The following NAALADL2 variants were observed in gnomAD, a reference collection of about 807,000 sequenced individuals.
The protein encoded by NAALADL2 is N-acetylated alpha-linked acidic dipeptidase like 2.
In NAALADL2, 76 loss-of-function variants were observed where a neutral mutation model predicts 87.2. The observed-to-expected ratio is 0.87, with a 90% CI of 0.72 to 1.05. NAALADL2 has a LOEUF of 1.05. Ranked by LOEUF, NAALADL2 falls within the 50% of genes least tolerant of loss-of-function variation. NAALADL2 has a pLI of 0.00. For synonymous variants in NAALADL2, 354 were observed against 331.0 expected, an observed-to-expected ratio of 1.07 and a Z score of -0.75; for missense variants, 1,089 against 945.8, an observed-to-expected ratio of 1.15 and a Z score of -1.99.
At chr3:175,257,970 C>T (rs562647795) in intron 4 of NAALADL2, among the ~76,000 whole-genome samples, 1 of 151,962 alleles carries the variant, frequency 6.6e-6, no homozygotes, top group East Asian at 1.9e-4. Flanking sequence ...TGGAGTAAGA[C>T]ACAAAAAGAA....
At chr3:174,868,651 G>A (rs1325259825) in intron 1 of NAALADL2, among the ~76,000 whole-genome samples, 5 of 150,830 alleles carry the variant, frequency 3.3e-5, no homozygotes, top group Non-Finnish European at 7.4e-5. Context: ...TGAAGAGACT[G>A]TGAAAACTTG....
At chr3:174,881,999 A>G (rs1729252189) in intron 1 of NAALADL2, among the ~76,000 whole-genome samples, 1 of 152,172 alleles carries the variant, frequency 6.6e-6, no homozygotes, top group African/African-American at 2.4e-5. Context: ...TTTTACAGTG[A>G]TAGATTTTAG....
intron 1 of NAALADL2, among the ~76,000 whole-genome samples, chr3:175,025,155 A>G (rs1049680005): frequency 2.0e-5 from 3 of 152,156 alleles, no homozygotes; most frequent in African/African-American, 7.2e-5. Context: ...ATTGTATTAG[A>G]GGAACATTAG....
At chr3:175,169,456 A>AATATATATAT (rs141242519) in intron 2 of NAALADL2, among the ~76,000 whole-genome samples, 6,805 of 146,948 alleles carry the variant, frequency 0.046, 180 homozygotes, top group East Asian at 0.063. Flanking sequence ...TAGTTGTAAG[A>AATATATATAT]ATATATATAT....
At chr3:175,175,305 A>C (rs994399870) in intron 2 of NAALADL2, among the ~76,000 whole-genome samples, 3 of 152,158 alleles carry the variant, frequency 2.0e-5, no homozygotes, top group Admixed American at 2.0e-4. Context: ...TTTAAAACGG[A>C]GTTTTTAAAA....
At chr3:175,470,967 A>G (rs1319590361) in intron 8 of NAALADL2, among the ~76,000 whole-genome samples, 4 of 152,132 alleles carry the variant, frequency 2.6e-5, no homozygotes, top group African/African-American at 9.7e-5. Context: ...TGGTTTATCT[A>G]TATCTCCCCT....
intron 4 of NAALADL2, among the ~76,000 whole-genome samples, chr3:175,294,626 G>C (rs182972965): frequency 8.3e-4 from 127 of 152,284 alleles, no homozygotes; most frequent in African/African-American, 2.9e-3. Flanking sequence ...GTCTAAGACT[G>C]TTTAACTCTA....
intron 9 of NAALADL2, among the ~76,000 whole-genome samples, chr3:175,478,982 C>T (rs750303695): frequency 2.0e-5 from 3 of 151,824 alleles, no homozygotes; most frequent in Non-Finnish European, 4.4e-5. Context: ...TAGTGATATT[C>T]GTTCTTATGA....
chr3:174,602,812 T>C (rs1271754515), intron 2 of NAALADL2, among the ~76,000 whole-genome samples: 1 of 152,094 alleles, frequency 6.6e-6, no homozygotes, highest in African/African-American at 2.4e-5. Flanking sequence ...CTATACCCAA[T>C]TCATTAAGGA....
At chr3:175,322,878 A>G (rs1303581647) in intron 4 of NAALADL2, among the ~76,000 whole-genome samples, 1 of 150,842 alleles carries the variant, frequency 6.6e-6, no homozygotes, top group Non-Finnish European at 1.5e-5. Flanking sequence ...GAACACTTTT[A>G]CAGTGTTGGT....
intron 2 of NAALADL2, among the ~76,000 whole-genome samples, chr3:174,571,570 G>A (rs1248573308): frequency 6.6e-6 from 1 of 152,058 alleles, no homozygotes; most frequent in Non-Finnish European, 1.5e-5. Flanking sequence ...GTAGAGACGA[G>A]GTTTCTCCAT....
intron 2 of NAALADL2, among the ~76,000 whole-genome samples, chr3:174,596,479 C>A (rs924653576): frequency 1.3e-5 from 2 of 152,152 alleles, no homozygotes; most frequent in Non-Finnish European, 2.9e-5. Flanking sequence ...GTATCAGAAC[C>A]ACTTGGAGGG....
chr3:174,570,227 T>C (rs1056398096), intron 2 of NAALADL2, among the ~76,000 whole-genome samples: 1 of 152,084 alleles, frequency 6.6e-6, no homozygotes, highest in South Asian at 2.1e-4. Flanking sequence ...TTTATACCCA[T>C]GGGAGGGCAA....
intron 1 of NAALADL2, among the ~76,000 whole-genome samples, chr3:175,053,799 GCTTAA>G (rs1711521129): frequency 6.6e-6 from 1 of 152,200 alleles, no homozygotes; most frequent in African/African-American, 2.4e-5. Context: ...CTGGATAATA[GCTTAA>G]CTTCTTTCCA....
rs893852000 is a variant in NAALADL2 at position 175,708,945 on chromosome 3, C to T, written c.1897-28361C>T. On this transcript the variant is annotated intron_variant, in intron 11 of 13. Coordinates refer to ENST00000454872, the MANE Select transcript of NAALADL2 (RefSeq NM_207015.3). ...CTCATGTACATTGTCTCCCCTAAAC[C>T]TGATAATAGACATTTTCTTCAAGGT... Among the ~76,000 whole-genome samples the T allele has an allele frequency of 4.0e-5, 6 of 151,776 alleles. No homozygotes were observed. The East Asian group carries it at 1.2e-3, about 29-fold the overall frequency.
At chr3:175,665,115 A>T (rs973615140) in intron 11 of NAALADL2, among the ~76,000 whole-genome samples, 2 of 152,132 alleles carry the variant, frequency 1.3e-5, no homozygotes, top group East Asian at 3.9e-4. Flanking sequence ...CCAGACAGAC[A>T]CAACAGTCTA....
At chr3:175,017,738 AC>A (rs1751035151) in intron 1 of NAALADL2, among the ~76,000 whole-genome samples, 2 of 152,098 alleles carry the variant, frequency 1.3e-5, no homozygotes, top group African/African-American at 4.8e-5. Context: ...TCCAATTATC[AC>A]TAAATAATAT....
chr3:175,392,806 C>A (rs901408376), intron 5 of NAALADL2, among the ~76,000 whole-genome samples: 6 of 152,174 alleles, frequency 3.9e-5, no homozygotes, highest in African/African-American at 1.4e-4. Flanking sequence ...TCTGCAACCA[C>A]CCAAATTCTT....
At chr3:175,692,447 C>A (rs1737182292) in intron 11 of NAALADL2, among the ~76,000 whole-genome samples, 1 of 152,046 alleles carries the variant, frequency 6.6e-6, no homozygotes, top group Admixed American at 6.6e-5. Flanking sequence ...CATTGTGTGG[C>A]AATTCTGGAG....
Sources: allele counts gnomAD v4.1 joint callset (sites outside exome capture counted in the v4.1 genomes callset), GRCh38; gene constraint gnomAD v4.1.1; transcripts MANE v1.5; gene names NCBI Gene and HGNC (gene_info 2026-07-23, HGNC 2026-07-21).